Variants in ANKRD33B observed in about 807,000 individuals in gnomAD.
ANKRD33B encodes ankyrin repeat domain-containing protein 33B.
ANKRD33B carries 6 observed loss-of-function variants against 21.5 expected under a neutral mutation model. The observed-to-expected ratio is 0.28, with a 90% CI of 0.15 to 0.55. The LOEUF is 0.55. Among genes scored for constraint, ANKRD33B ranks in the 20% least tolerant of loss-of-function variants. The probability of loss-of-function intolerance (pLI) is 0.94; values close to 1 mark genes in which losing one functional copy is unlikely to be tolerated. For synonymous variants in ANKRD33B, 347 were observed against 342.4 expected (o/e 1.01, Z -0.15); for missense variants, 698 against 747.2 (o/e 0.93, Z 0.77).
intron 3 of ANKRD33B, among the ~76,000 whole-genome samples, chr5:10,639,102 C>CGGGGTTGCGCGGCGATGTTAGCG (rs1736956190): frequency 1.4e-4 from 1 of 7,178 alleles, no homozygotes; most frequent in African/African-American, 4.5e-4. Flanking sequence ...CGATGTTAGG[C>CGGGGTTGCGCGGCGATGTTAGCG]GGTGACGCGG....
chr5:10,625,920 G>T (rs960082433), intron 2 of ANKRD33B, among the ~76,000 whole-genome samples: 1 of 152,194 alleles, frequency 6.6e-6, no homozygotes, highest in African/African-American at 2.4e-5. Flanking sequence ...GTTGATGAGG[G>T]CCTGTCAATT....
intron 1 of ANKRD33B, among the ~76,000 whole-genome samples, chr5:10,590,580 ATTT>A (rs1268184423): frequency 3.6e-5 from 5 of 138,084 alleles, no homozygotes; most frequent in African/African-American, 5.3e-5. Flanking sequence ...TTCTTAAAAT[ATTT>A]TGAGATGCGC....
Position 10,591,976 on chromosome 5 carries a change from A to G in ANKRD33B, c.367-26357A>G, listed in dbSNP as rs545680259. 1.2e-4 allele frequency among the ~76,000 whole-genome samples: 18 copies of G among 152,152 alleles called. 1 individual carries two copies. The East Asian group carries it at 2.7e-3, about 23-fold the overall frequency. Reference sequence around the variant, plus strand: ...TTTAGCTTTTGAATCTCTTTTCTCCATCAGTAAACTATTTTAGGATATAAG... The same window carrying G: ...TTTAGCTTTTGAATCTCTTTTCTCCGTCAGTAAACTATTTTAGGATATAAG... On this transcript the variant is annotated intron_variant, in intron 1 of 3. Coordinates refer to ENST00000296657, the MANE Select transcript of ANKRD33B (RefSeq NM_001164440.2).
intron 1 of ANKRD33B, among the ~76,000 whole-genome samples, chr5:10,615,340 C>T (rs1461815416): frequency 1.3e-5 from 2 of 152,158 alleles, no homozygotes; most frequent in African/African-American, 4.8e-5. Context: ...AACAATGTCT[C>T]CTGAGAAAAC....
At chr5:10,572,323 T>C (rs1216773430) in intron 1 of ANKRD33B, among the ~76,000 whole-genome samples, 1 of 152,056 alleles carries the variant, frequency 6.6e-6, no homozygotes, top group Non-Finnish European at 1.5e-5. Flanking sequence ...GGGGAACTTG[T>C]TAGGAGTGCA....
rs1405611316 is a variant in ANKRD33B, at chr5:10,651,334, A to G, written c.*1221A>G. 1.3e-5 allele frequency: 2 copies of G among 152,292 alleles called. No homozygotes were observed. Among genetic ancestry groups the G allele is most frequent in the East Asian group, 3.7e-4 (2 of 5,338 alleles). The allele number at this position is 152,292 out of a possible 1,614,324, so 9.4% of individuals were successfully genotyped here. ...TGCAGGGCCTTGGGCAGGGCAGGGC[A>G]TGGGTGTGATTTGCCTTGGGCCACA... is the stretch of plus-strand genomic sequence containing the variant. On this transcript the variant is annotated 3_prime_UTR_variant, in exon 4 of 4. Transcript: ENST00000296657.
chr5:10,583,127 G>A (rs998739244), intron 1 of ANKRD33B, among the ~76,000 whole-genome samples: 1 of 152,000 alleles, frequency 6.6e-6, no homozygotes. Flanking sequence ...CTCCCGAGTA[G>A]CTGGGACTAC....
At chr5:10,568,120 A>G (rs555045781) in intron 1 of ANKRD33B, among the ~76,000 whole-genome samples, 1 of 152,372 alleles carries the variant, frequency 6.6e-6, no homozygotes, top group African/African-American at 2.4e-5. Context: ...TGAGATTGGT[A>G]GAATGTTGGA....
At chr5:10,624,579 T>C in intron 2 of ANKRD33B, 1 of 368,042 alleles carries the variant, frequency 2.7e-6, no homozygotes, top group Non-Finnish European at 5.4e-6. Context: ...GCTTTGGGAC[T>C]GAATTGTTGA....
rs1369969086 is a variant in ANKRD33B at position 10,615,334 on chromosome 5, A to G, written c.367-2999A>G. ...TAATCCAGAAATCCTGCTTCTAACA[A>G]TGTCTCCTGAGAAAACGAGAAACAA... On this transcript the variant is annotated intron_variant, in intron 1 of 3. Coordinates refer to ENST00000296657, the MANE Select transcript of ANKRD33B (RefSeq NM_001164440.2). Among the ~76,000 whole-genome samples, 5 of 152,224 alleles carry G rather than the reference A, an allele frequency of 3.3e-5. No homozygotes were observed. In the South Asian group the frequency reaches 8.3e-4, roughly 25 times the overall value.
At chr5:10,646,592 C>G (rs1243917716) in intron 3 of ANKRD33B, among the ~76,000 whole-genome samples, 1 of 152,210 alleles carries the variant, frequency 6.6e-6, no homozygotes, top group Non-Finnish European at 1.5e-5. Flanking sequence ...TGAAAAATGT[C>G]TCTTTCAGGC....
intron 1 of ANKRD33B, among the ~76,000 whole-genome samples, chr5:10,580,287 C>T (rs975786175): frequency 6.6e-6 from 1 of 152,222 alleles, no homozygotes; most frequent in Admixed American, 6.5e-5. Flanking sequence ...CTGTGTTGAG[C>T]GTTGGGCCAC....
chr5:10,603,849 G>T (rs938141741), intron 1 of ANKRD33B, among the ~76,000 whole-genome samples: 5 of 150,754 alleles, frequency 3.3e-5, no homozygotes, highest in African/African-American at 4.9e-5. Context: ...TTATACCATA[G>T]AAAAATGTTT....
At chr5:10,631,330 A>G (rs1736704389) in intron 2 of ANKRD33B, among the ~76,000 whole-genome samples, 1 of 152,138 alleles carries the variant, frequency 6.6e-6, no homozygotes, top group African/African-American at 2.4e-5. Context: ...GAGAAACAGG[A>G]GGGATCTGAT....
intron 3 of ANKRD33B, among the ~76,000 whole-genome samples, chr5:10,646,958 C>T (rs1737201269): frequency 6.6e-6 from 1 of 152,204 alleles, no homozygotes; most frequent in South Asian, 2.1e-4. Flanking sequence ...TCAGCCATCA[C>T]ATGTCAGACT....
intron 1 of ANKRD33B, among the ~76,000 whole-genome samples, chr5:10,586,594 A>G (rs1579717935): frequency 6.6e-6 from 1 of 152,054 alleles, no homozygotes; most frequent in East Asian, 1.9e-4. Flanking sequence ...AGACCAACAA[A>G]CAGTTCTCAT....
chr5:10,630,302 C>T (rs1736676970), intron 2 of ANKRD33B, among the ~76,000 whole-genome samples: 1 of 152,222 alleles, frequency 6.6e-6, no homozygotes, highest in Non-Finnish European at 1.5e-5. Context: ...ATGCATTACT[C>T]ATCCTCTTCC....
chr5:10,593,553 TCCCAACCCCA>T (rs1735743706), intron 1 of ANKRD33B, among the ~76,000 whole-genome samples: 2 of 151,998 alleles, frequency 1.3e-5, no homozygotes, highest in African/African-American at 4.8e-5. Flanking sequence ...ACCCTGCTCA[TCCCAACCCCA>T]CCCTGGGTCA....
chr5:10,604,338 T>C (rs1055299645), intron 1 of ANKRD33B, among the ~76,000 whole-genome samples: 1 of 151,046 alleles, frequency 6.6e-6, no homozygotes, highest in Non-Finnish European at 1.5e-5. Context: ...ACCACAGATA[T>C]GCGCCACCGC....
Sources: allele counts gnomAD v4.1 joint callset (sites outside exome capture counted in the v4.1 genomes callset), GRCh38; gene constraint gnomAD v4.1.1; transcripts MANE v1.5; gene names NCBI Gene and HGNC (gene_info 2026-07-23, HGNC 2026-07-21).